Variants in ADAMTS6 observed in about 807,000 individuals in gnomAD.
ADAMTS6 encodes A disintegrin and metalloproteinase with thrombospondin motifs 6.
Under a neutral mutation model 144.3 loss-of-function variants are expected in ADAMTS6, and 23 were observed. The ratio of observed to expected loss-of-function variants is 0.16; its 90% CI spans 0.11 to 0.23. The LOEUF is 0.23. ADAMTS6 is among the 10% of genes least tolerant of loss of function. ADAMTS6 has a pLI of 1.00. For synonymous variants in ADAMTS6, 444 were observed against 457.5 expected (o/e 0.97, Z 0.38); for missense variants, 999 against 1,379.6 (o/e 0.72, Z 4.37).
intron 7 of ADAMTS6, among the ~76,000 whole-genome samples, chr5:65,338,053 C>A (rs1747470925): frequency 6.6e-6 from 1 of 152,292 alleles, no homozygotes; most frequent in Admixed American, 6.5e-5. Context: ...GTGATCCTAA[C>A]TTCAGACTAG....
At position 65,327,146 on chromosome 5, in the gene ADAMTS6, T is replaced by C. The variant is rs534568609; in HGVS notation, c.1223+2232A>G. Among the ~76,000 whole-genome samples the C allele has an allele frequency of 1.1e-4, 16 of 152,228 alleles. No individual in the cohort carries two copies. In the South Asian group the frequency reaches 3.3e-3, roughly 32 times the overall value. On this transcript the variant is annotated intron_variant, in intron 9 of 24. Coordinates refer to ENST00000381055, the MANE Select transcript of ADAMTS6 (RefSeq NM_197941.4). ...TGTTTAAAAGAGCACAGCATCTCCCTTGCTCCCTCTCTTGCCATGTGGTGC... is the reference window on the plus strand; with the variant it reads ...TGTTTAAAAGAGCACAGCATCTCCCCTGCTCCCTCTCTTGCCATGTGGTGC...
intron 18 of ADAMTS6, among the ~76,000 whole-genome samples, chr5:65,221,576 T>C (rs773078226): frequency 2.6e-5 from 4 of 152,158 alleles, no homozygotes; most frequent in Admixed American, 1.3e-4. Flanking sequence ...GCCCTTATGA[T>C]TGGTTGAAAA....
At chr5:65,238,564 C>G (rs1758885076) in intron 15 of ADAMTS6, among the ~76,000 whole-genome samples, 1 of 151,294 alleles carries the variant, frequency 6.6e-6, no homozygotes, top group African/African-American at 2.4e-5. Context: ...TGCGCCACTG[C>G]TCTCCAGCCT....
chr5:65,183,935 T>C (rs1420994588), intron 22 of ADAMTS6, among the ~76,000 whole-genome samples: 4 of 152,190 alleles, frequency 2.6e-5, no homozygotes, highest in Admixed American at 2.6e-4. Context: ...ATCTCATTCT[T>C]TCTCATAATA....
At chr5:65,403,791 A>G (rs939164779) in intron 7 of ADAMTS6, among the ~76,000 whole-genome samples, 1 of 152,068 alleles carries the variant, frequency 6.6e-6, no homozygotes, top group African/African-American at 2.4e-5. Flanking sequence ...TCTAGACTCC[A>G]TTATCTTCAT....
intron 11 of ADAMTS6, among the ~76,000 whole-genome samples, chr5:65,282,510 A>G (rs1391903652): frequency 1.3e-5 from 2 of 152,046 alleles, no homozygotes; most frequent in Admixed American, 1.3e-4. Context: ...CAGGGAAAAG[A>G]CCTGGAAAGG....
chr5:65,300,932 T>A (rs544584750), intron 9 of ADAMTS6, among the ~76,000 whole-genome samples: 1 of 152,248 alleles, frequency 6.6e-6, no homozygotes, highest in East Asian at 1.9e-4. Context: ...CGCCCGGCCG[T>A]AAGTCCTTTT....
At chr5:65,419,111 C>T (rs1040341995) in intron 7 of ADAMTS6, among the ~76,000 whole-genome samples, 10 of 152,120 alleles carry the variant, frequency 6.6e-5, no homozygotes, top group Admixed American at 2.6e-4. Flanking sequence ...TGTTCATCAC[C>T]GCACTATTCA....
intron 22 of ADAMTS6, among the ~76,000 whole-genome samples, chr5:65,187,763 C>T (rs1317365204): frequency 1.3e-5 from 2 of 152,126 alleles, no homozygotes. Flanking sequence ...AGAGTACCCA[C>T]TATAATGTTA....
intron 9 of ADAMTS6, among the ~76,000 whole-genome samples, chr5:65,311,725 C>T (rs1744510686): frequency 6.6e-6 from 1 of 151,976 alleles, no homozygotes; most frequent in African/African-American, 2.4e-5. Context: ...TTTAGGTACA[C>T]AATTCTTATT....
chr5:65,404,958 T>C (rs1484417570), intron 7 of ADAMTS6, among the ~76,000 whole-genome samples: 1 of 152,246 alleles, frequency 6.6e-6, no homozygotes, highest in Non-Finnish European at 1.5e-5. Context: ...GAGAAGTGTC[T>C]GTTCATATCC....
At chr5:65,469,284 C>A (rs1047781534) in intron 3 of ADAMTS6, among the ~76,000 whole-genome samples, 9 of 152,104 alleles carry the variant, frequency 5.9e-5, no homozygotes, top group Non-Finnish European at 1.5e-5. Flanking sequence ...CCTACATGTT[C>A]TAAATTATCT....
rs114948786 is a variant in ADAMTS6, at chr5:65,158,608, C to T, written c.3245-6663G>A. Among the ~76,000 whole-genome samples the T allele has an allele frequency of 2.7e-3, 409 of 152,278 alleles. 1 individual carries two copies. Among genetic ancestry groups the T allele is most frequent in the African/African-American group, 9.3e-3 (386 of 41,546 alleles). On this transcript the variant is annotated intron_variant, in intron 24 of 24. Transcript: ENST00000381055. ...GCTTGAGGAGGTTAGTCCCAACTGA[C>T]ATATGTACTTCAAAAAATTACTCTG...
chr5:65,302,258 T>A (rs1265613436), intron 9 of ADAMTS6, among the ~76,000 whole-genome samples: 1 of 140,400 alleles, frequency 7.1e-6, no homozygotes, highest in East Asian at 1.9e-4. Flanking sequence ...TACATTATTA[T>A]ATATTAATAT....
intron 9 of ADAMTS6, among the ~76,000 whole-genome samples, chr5:65,317,802 G>C (rs911884941): frequency 2.0e-4 from 31 of 152,102 alleles, no homozygotes; most frequent in Non-Finnish European, 8.8e-5. Flanking sequence ...GGCCAGGCGT[G>C]GTGGCTCATG....
intron 11 of ADAMTS6, among the ~76,000 whole-genome samples, chr5:65,282,646 C>G (rs891210881): frequency 2.5e-4 from 38 of 152,086 alleles, no homozygotes; most frequent in African/African-American, 8.9e-4. Flanking sequence ...GCCTGCTATC[C>G]GTCATGTGAT....
At chr5:65,305,803 T>C (rs1336566966) in intron 9 of ADAMTS6, among the ~76,000 whole-genome samples, 1 of 151,618 alleles carries the variant, frequency 6.6e-6, no homozygotes, top group Non-Finnish European at 1.5e-5. Context: ...CACACACATA[T>C]GCACACATGG....
intron 24 of ADAMTS6, among the ~76,000 whole-genome samples, chr5:65,165,997 C>T (rs1263147821): frequency 3.1e-4 from 45 of 143,422 alleles, no homozygotes; most frequent in African/African-American, 4.9e-4. Flanking sequence ...AACCAGCTAA[C>T]ATCATAATGA....
chr5:65,256,086 G>A (rs974644394), intron 14 of ADAMTS6, among the ~76,000 whole-genome samples: 2 of 152,080 alleles, frequency 1.3e-5, no homozygotes, highest in African/African-American at 4.8e-5. Flanking sequence ...TCTTTATAAC[G>A]AGAATTTTTC....
Sources: allele counts gnomAD v4.1 joint callset (sites outside exome capture counted in the v4.1 genomes callset), GRCh38; gene constraint gnomAD v4.1.1; transcripts MANE v1.5; gene names NCBI Gene and HGNC (gene_info 2026-07-23, HGNC 2026-07-21).